The following STPG4 variants were observed in gnomAD, a reference collection of about 807,000 sequenced individuals.
STPG4 encodes the protein sperm-tail PG-rich repeat containing 4.
Under a neutral mutation model 31.5 loss-of-function variants are expected in STPG4, and 41 were observed. The ratio of observed to expected loss-of-function variants is 1.30; its 90% CI spans 1.01 to 1.69. The LOEUF is 1.69. STPG4 is among the 40% of genes most tolerant of loss of function. The probability of loss-of-function intolerance (pLI) is 0.00; values close to 1 mark genes in which losing one functional copy is unlikely to be tolerated. For synonymous variants in STPG4, 141 were observed against 103.0 expected, an observed-to-expected ratio of 1.37 and a Z score of -2.24; for missense variants, 375 against 293.4, an observed-to-expected ratio of 1.28 and a Z score of -2.03.
At chr2:47,094,783 C>G (rs1171460888) in intron 5 of STPG4, among the ~76,000 whole-genome samples, 1 of 152,198 alleles carries the variant, frequency 6.6e-6, no homozygotes, top group East Asian at 1.9e-4. Context: ...GCAAAAGACT[C>G]AGACTTTCCT....
intron 5 of STPG4, among the ~76,000 whole-genome samples, chr2:47,111,339 C>G (rs1296045686): frequency 6.6e-6 from 1 of 152,196 alleles, no homozygotes; most frequent in Non-Finnish European, 1.5e-5. Context: ...TGCAGAGTAT[C>G]TGATATCCTT....
chr2:47,119,650 C>A (rs996764511), intron 5 of STPG4, among the ~76,000 whole-genome samples: 1 of 149,710 alleles, frequency 6.7e-6, no homozygotes, highest in Admixed American at 6.7e-5. Flanking sequence ...TATCTCCATT[C>A]TTTTCCCATC....
At chr2:47,116,432 C>T (rs969045364) in intron 5 of STPG4, among the ~76,000 whole-genome samples, 8 of 152,174 alleles carry the variant, frequency 5.3e-5, no homozygotes, top group East Asian at 3.8e-4. Flanking sequence ...GACAGACTTA[C>T]GTATTTTACT....
intron 5 of STPG4, among the ~76,000 whole-genome samples, chr2:47,107,432 C>T (rs1050071461): frequency 2.0e-5 from 3 of 152,194 alleles, no homozygotes; most frequent in Non-Finnish European, 2.9e-5. Flanking sequence ...GGGCCAGCGG[C>T]TGCAGAGGGT....
intron 5 of STPG4, among the ~76,000 whole-genome samples, chr2:47,101,980 G>A (rs968013740): frequency 6.6e-6 from 1 of 151,772 alleles, no homozygotes; most frequent in African/African-American, 2.4e-5. Context: ...TTCTCGGTCG[G>A]TCCTCCCTGT....
chr2:47,124,877 A>C (rs1686335951), intron 5 of STPG4, among the ~76,000 whole-genome samples: 1 of 152,196 alleles, frequency 6.6e-6, no homozygotes, highest in Non-Finnish European at 1.5e-5. Flanking sequence ...ACTAATTTAC[A>C]TTCTCACCAA....
Position 47,115,651 on chromosome 2 carries a change from G to GTTTT in STPG4, c.519+14289_519+14290insAAAA, listed in dbSNP as rs1558678003. ...TCTCCATCTCTTGTTCACATTAAAG[G>GTTTT]CTTTTTTTTTTTTTTTTTTGAGACA... On this transcript the variant is annotated intron_variant, in intron 5 of 6. Transcript: ENST00000445927. 2.4e-4 allele frequency among the ~76,000 whole-genome samples: 22 copies of GTTTT among 90,388 alleles called. 1 individual carries two copies. Among genetic ancestry groups the GTTTT allele is most frequent in the African/African-American group, 7.8e-4 (22 of 28,310 alleles). 59.3% of individuals were successfully genotyped at this position (90,388 alleles called of 152,430 possible).
chr2:47,141,557 CAAA>C (rs200257521), intron 3 of STPG4, among the ~76,000 whole-genome samples: 32 of 140,254 alleles, frequency 2.3e-4, no homozygotes, highest in South Asian at 4.6e-4. Flanking sequence ...AGTCCTGCCT[CAAA>C]AAAAAAAAAA....
chr2:47,125,913 G>C (rs970127410), intron 5 of STPG4, among the ~76,000 whole-genome samples: 2 of 152,076 alleles, frequency 1.3e-5, no homozygotes, highest in Admixed American at 6.5e-5. Flanking sequence ...GCAAGAGATA[G>C]GGTTCTAGTT....
At chr2:47,133,437 G>T (rs1686528216) in intron 3 of STPG4, among the ~76,000 whole-genome samples, 2 of 152,118 alleles carry the variant, frequency 1.3e-5, no homozygotes, top group African/African-American at 4.8e-5. Context: ...TAAGTGCTCA[G>T]ATTATAGGTG....
At chr2:47,114,500 C>G (rs951105618) in intron 5 of STPG4, among the ~76,000 whole-genome samples, 4 of 152,076 alleles carry the variant, frequency 2.6e-5, no homozygotes, top group African/African-American at 9.7e-5. Flanking sequence ...CAGCAAGACT[C>G]TATCTCAAAA....
chr2:47,112,314 GC>G (rs1381642051), intron 5 of STPG4, among the ~76,000 whole-genome samples: 4 of 151,662 alleles, frequency 2.6e-5, no homozygotes, highest in African/African-American at 9.7e-5. Context: ...TTACAGGTGT[GC>G]ACCACCACAC....
intron 5 of STPG4, among the ~76,000 whole-genome samples, chr2:47,104,175 A>T (rs1685855357): frequency 6.6e-6 from 1 of 152,018 alleles, no homozygotes; most frequent in Non-Finnish European, 1.5e-5. Flanking sequence ...CATTGGAAGG[A>T]CAATTTGGAA....
chr2:47,094,465 A>C (rs1304133844), intron 5 of STPG4, among the ~76,000 whole-genome samples: 4 of 152,176 alleles, frequency 2.6e-5, no homozygotes, highest in Admixed American at 2.0e-4. Flanking sequence ...AGCCCTATTT[A>C]ATTGTGCTTT....
At chr2:47,120,464 G>C (rs1686245254) in intron 5 of STPG4, among the ~76,000 whole-genome samples, 1 of 152,194 alleles carries the variant, frequency 6.6e-6, no homozygotes, top group Non-Finnish European at 1.5e-5. Context: ...CTATTCAGGA[G>C]GCTGAAGCAG....
At chr2:47,092,250 C>T (rs1198256325) in intron 5 of STPG4, among the ~76,000 whole-genome samples, 1 of 148,668 alleles carries the variant, frequency 6.7e-6, no homozygotes, top group Admixed American at 6.8e-5. Flanking sequence ...AGAAAAGAGG[C>T]CAGGCATGGT....
intron 5 of STPG4, among the ~76,000 whole-genome samples, chr2:47,115,878 T>C (rs942049360): frequency 6.6e-6 from 1 of 152,168 alleles, no homozygotes; most frequent in African/African-American, 2.4e-5. Context: ...GGTCTTGAAC[T>C]CCTGAGCTCA....
At chr2:47,089,722 G>C (rs1685530640) in intron 6 of STPG4, among the ~76,000 whole-genome samples, 1 of 151,962 alleles carries the variant, frequency 6.6e-6, no homozygotes, top group Non-Finnish European at 1.5e-5. Context: ...GTCTTCTCTA[G>C]GTTTGGAGGA....
chr2:47,132,944 G>A (rs1314824422), intron 3 of STPG4, among the ~76,000 whole-genome samples: 1 of 152,002 alleles, frequency 6.6e-6, no homozygotes, highest in Non-Finnish European at 1.5e-5. Flanking sequence ...AAGGAATATT[G>A]GTTACCTGTA....
Sources: allele counts gnomAD v4.1 joint callset (sites outside exome capture counted in the v4.1 genomes callset), GRCh38; gene constraint gnomAD v4.1.1; transcripts MANE v1.5; gene names NCBI Gene and HGNC (gene_info 2026-07-23, HGNC 2026-07-21).